KATNAL1: variants seen among roughly 807,000 people sequenced by gnomAD.
KATNAL1 encodes the protein katanin p60 ATPase-containing subunit A-like 1.
A neutral mutation model predicts 55.2 loss-of-function variants in KATNAL1; 32 were observed. The ratio of observed to expected loss-of-function variants is 0.58; its 90% confidence interval spans 0.44 to 0.78. The LOEUF (loss-of-function observed/expected upper bound fraction) is 0.78. Ranked by LOEUF, KATNAL1 falls within the 30% of genes least tolerant of loss-of-function variation. The pLI, the probability that KATNAL1 is intolerant of heterozygous loss-of-function variation, is 0.00. For synonymous variants in KATNAL1, 193 were observed against 193.6 expected (o/e 1.00, Z 0.02); for missense variants, 466 against 600.9 (o/e 0.78, Z 2.35).
intron 1 of KATNAL1, among the ~76,000 whole-genome samples, chr13:30,287,456 C>G (rs1053025107): frequency 2.0e-5 from 3 of 152,176 alleles, no homozygotes; most frequent in Non-Finnish European, 2.9e-5. Flanking sequence ...AAGTTTCCTG[C>G]GGCCTCCCCA....
intron 6 of KATNAL1, among the ~76,000 whole-genome samples, chr13:30,235,053 G>A (rs534347177): frequency 6.6e-6 from 1 of 152,294 alleles, no homozygotes; most frequent in African/African-American, 2.4e-5. Flanking sequence ...CAACCTCTGG[G>A]AAGAGGAAGA....
rs376373523 is a variant in KATNAL1 at position 30,282,158 on chromosome 13, A to G, written c.162+1458T>C. On this transcript the variant is annotated intron_variant, in intron 2 of 10. Coordinates refer to ENST00000380615, the MANE Select transcript of KATNAL1 (RefSeq NM_032116.5). ...AAATTTAAAAAACGGTAAGTAGGCA[A>G]ATTAAAATTCAAGTTTTTAACTGTC... Among the ~76,000 whole-genome samples the G allele has an allele frequency of 9.0e-5, 13 of 144,034 alleles. No individual in the cohort carries two copies. In the East Asian group the frequency reaches 2.2e-3, roughly 24 times the overall value. 94.5% of individuals were successfully genotyped at this position (144,034 alleles called of 152,430 possible).
chr13:30,290,854 A>C (rs527921071), intron 1 of KATNAL1, among the ~76,000 whole-genome samples: 1 of 152,376 alleles, frequency 6.6e-6, no homozygotes, highest in South Asian at 2.1e-4. Context: ...TAAAAATGAA[A>C]CATTATAAAT....
intron 6 of KATNAL1, among the ~76,000 whole-genome samples, chr13:30,236,516 A>T (rs61946930): frequency 6.6e-6 from 1 of 152,124 alleles, no homozygotes; most frequent in Non-Finnish European, 1.5e-5. Context: ...CTAACCAAAA[A>T]GCCCATGACT....
At chr13:30,218,100 TGCA>T (rs893859679) in intron 9 of KATNAL1, among the ~76,000 whole-genome samples, 18 of 151,724 alleles carry the variant, frequency 1.2e-4, no homozygotes, top group Non-Finnish European at 2.4e-4. Context: ...GAAGCATGCG[TGCA>T]GCAGAATGGG....
chr13:30,265,930 TGAACCCA>T (rs1879742195), intron 3 of KATNAL1, among the ~76,000 whole-genome samples: 1 of 147,550 alleles, frequency 6.8e-6, no homozygotes, highest in South Asian at 2.1e-4. Flanking sequence ...GAGAATTGCT[TGAACCCA>T]GGAGGTGGAG....
chr13:30,269,292 CGGGCT>C (rs1555264826), intron 3 of KATNAL1, among the ~76,000 whole-genome samples: 3 of 152,258 alleles, frequency 2.0e-5, no homozygotes, highest in Non-Finnish European at 4.4e-5. Context: ...CTGTGTTGGC[CGGGCT>C]GGTCTCCAGC....
At chr13:30,295,883 C>T (rs141070714) in intron 1 of KATNAL1, among the ~76,000 whole-genome samples, 3 of 152,108 alleles carry the variant, frequency 2.0e-5, no homozygotes, top group African/African-American at 7.2e-5. Flanking sequence ...AGAGTCAATA[C>T]GTCCACCAAA....
intron 4 of KATNAL1, among the ~76,000 whole-genome samples, chr13:30,241,395 GA>G (rs1566101608): frequency 6.6e-6 from 1 of 152,110 alleles, no homozygotes; most frequent in African/African-American, 2.4e-5. Flanking sequence ...AGACGCAGAG[GA>G]TTTCCACCAC....
At chr13:30,237,618 T>C (rs1876824842) in intron 6 of KATNAL1, among the ~76,000 whole-genome samples, 1 of 152,240 alleles carries the variant, frequency 6.6e-6, no homozygotes, top group Non-Finnish European at 1.5e-5. Context: ...AGAGATAACG[T>C]ATTTTTGAAA....
At chr13:30,230,410 A>G in intron 8 of KATNAL1, 58 bp downstream of exon 8, 1 of 1,504,716 alleles carries the variant, frequency 6.6e-7, no homozygotes, top group Non-Finnish European at 9.1e-7. Flanking sequence ...ATTGATTATG[A>G]GTTTACACAA....
chr13:30,301,519 T>A (rs1882854151), intron 1 of KATNAL1, among the ~76,000 whole-genome samples: 1 of 152,166 alleles, frequency 6.6e-6, no homozygotes, highest in Admixed American at 6.5e-5. Context: ...TCTCATCTAA[T>A]CCTTATAACA....
In KATNAL1 at chr13:30,280,147, T is replaced by C. The variant is rs780202759; in HGVS notation, c.239A>G (p.Lys80Arg). The C allele has an allele frequency of 1.9e-6, 3 of 1,613,492 alleles. No individual in the cohort carries two copies. The highest frequency in any genetic ancestry group is 1.7e-5 in the Admixed American group (1 of 59,940). The part of the protein sequence containing the change: ...VSTLESFKID[K>R]PPDFPVSCQD... ...ACAGGACACAGGGAAATCTGGAGGC[T>C]TGTCAATTTTAAAACTTTCTAAAGT... The change falls in exon 3 of 11, where the codon AAG becomes AGG. Residue 80 changes from lysine to arginine, a missense_variant. Physicochemically the swap from Lys to Arg is conservative, Grantham distance 26. Coordinates refer to ENST00000380615, the MANE Select transcript of KATNAL1 (RefSeq NM_032116.5).
chr13:30,263,612 A>C (rs2137483919), intron 3 of KATNAL1, among the ~76,000 whole-genome samples: 1 of 152,226 alleles, frequency 6.6e-6, no homozygotes, highest in Non-Finnish European at 1.5e-5. Context: ...TCATGAGTGA[A>C]CTCCCATTCA....
Position 30,226,173 on chromosome 13 carries a change from G to A in KATNAL1, c.1147+1239C>T, listed in dbSNP as rs777476533. 4.7e-4 allele frequency among the ~76,000 whole-genome samples: 71 copies of A among 152,170 alleles called. 1 individual carries two copies. Among genetic ancestry groups the A allele is most frequent in the Non-Finnish European group, 9.7e-4 (66 of 68,020 alleles). ...AGTATTTGAATTCTCATTTATTGAT[G>A]ATGGAATACAAAATGGTATGACCAT... is the stretch of plus-strand genomic sequence containing the variant. On this transcript the variant is annotated intron_variant, in intron 9 of 10. Transcript: ENST00000380615.
chr13:30,251,174 A>T (rs1028497070), intron 4 of KATNAL1, among the ~76,000 whole-genome samples: 2 of 151,862 alleles, frequency 1.3e-5, no homozygotes, highest in African/African-American at 4.8e-5. Context: ...TGAGAATCAG[A>T]GTTTTATAAA....
At chr13:30,282,702 C>A (rs1417781403) in intron 2 of KATNAL1, among the ~76,000 whole-genome samples, 2 of 150,996 alleles carry the variant, frequency 1.3e-5, no homozygotes, top group Non-Finnish European at 2.9e-5. Context: ...TGCTTGTAAT[C>A]CCAGCACTTT....
chr13:30,283,576 C>G, intron 2 of KATNAL1, 40 bp downstream of exon 2: 1 of 1,593,044 alleles, frequency 6.3e-7, no homozygotes. Flanking sequence ...TAATAGGGTA[C>G]TGCCATCCTA....
chr13:30,282,651 A>G (rs1381358034), intron 2 of KATNAL1, among the ~76,000 whole-genome samples: 9 of 150,778 alleles, frequency 6.0e-5, no homozygotes, highest in Non-Finnish European at 1.0e-4. Context: ...AAAAAAAAAA[A>G]AAAGAAAGAA....
Sources: allele counts gnomAD v4.1 joint callset (sites outside exome capture counted in the v4.1 genomes callset), GRCh38; gene constraint gnomAD v4.1.1; transcripts MANE v1.5; gene names NCBI Gene and HGNC (gene_info 2026-07-23, HGNC 2026-07-21).